The following ILRUN variants were observed in gnomAD, a reference collection of about 807,000 sequenced individuals.
The protein encoded by ILRUN is inflammation and lipid regulator with UBA-like and NBR1-like domains, also known as protein ILRUN.
A neutral mutation model predicts 33.8 loss-of-function variants in ILRUN; 3 were observed. That is an observed-to-expected ratio of 0.09 (90% CI 0.04 to 0.23). The LOEUF (loss-of-function observed/expected upper bound fraction) is 0.23. Among genes scored for constraint, ILRUN ranks in the 10% least tolerant of loss-of-function variants. The pLI is 1.00. For missense variants in ILRUN, 210 were observed against 375.1 expected, an observed-to-expected ratio of 0.56 and a Z score of 3.64; for synonymous variants, 124 against 138.9, an observed-to-expected ratio of 0.89 and a Z score of 0.75.
intron 1 of ILRUN, among the ~76,000 whole-genome samples, chr6:34,682,100 C>A (rs1763373783): frequency 6.8e-6 from 1 of 147,888 alleles, no homozygotes; most frequent in Admixed American, 6.8e-5. Context: ...GTCTCGAACT[C>A]CTGACTTCAT....
intron 1 of ILRUN, among the ~76,000 whole-genome samples, chr6:34,695,806 C>T (rs142271552): frequency 1.4e-4 from 21 of 152,044 alleles, no homozygotes; most frequent in Non-Finnish European, 2.8e-4. Flanking sequence ...TCCTACTCCT[C>T]CCTGGCATAA....
At chr6:34,668,173 T>C (rs1375161008) in intron 1 of ILRUN, among the ~76,000 whole-genome samples, 1 of 152,202 alleles carries the variant, frequency 6.6e-6, no homozygotes, top group African/African-American at 2.4e-5. Flanking sequence ...CTGCTAAGAA[T>C]GTAGAATGGT....
In ILRUN at chr6:34,650,556, G is replaced by A. The variant is rs1053165038; in HGVS notation, c.314-3758C>T. 3.3e-5 allele frequency among the ~76,000 whole-genome samples: 5 copies of A among 151,722 alleles called. No homozygotes were observed. In the South Asian group the frequency reaches 1.0e-3, roughly 32 times the overall value. On this transcript the variant is annotated intron_variant, in intron 2 of 4. Coordinates refer to ENST00000374023, the MANE Select transcript of ILRUN (RefSeq NM_024294.4). Reference sequence around the variant, plus strand: ...TGCAATTCTTCTGCCTCAGCCTCCCGAATACGTGGGATTACAGGCGCCTGC... The same window carrying A: ...TGCAATTCTTCTGCCTCAGCCTCCCAAATACGTGGGATTACAGGCGCCTGC...
chr6:34,609,436 G>C (rs1211969157), intron 3 of ILRUN, among the ~76,000 whole-genome samples: 1 of 152,152 alleles, frequency 6.6e-6, no homozygotes, highest in Non-Finnish European at 1.5e-5. Flanking sequence ...GTTGTAGTGA[G>C]CTGAGATCGT....
intron 3 of ILRUN, among the ~76,000 whole-genome samples, chr6:34,645,956 A>G (rs1419672246): frequency 6.6e-6 from 1 of 152,234 alleles, no homozygotes; most frequent in Non-Finnish European, 1.5e-5. Context: ...AGTCTAAGAA[A>G]GTACCTATTT....
intron 4 of ILRUN, among the ~76,000 whole-genome samples, chr6:34,594,659 T>G (rs1264809560): frequency 2.0e-5 from 3 of 152,168 alleles, no homozygotes; most frequent in Non-Finnish European, 4.4e-5. Flanking sequence ...GGACCTAAGT[T>G]CAACCTGGCT....
At chr6:34,605,318 CAAAAA>C (rs78612898) in intron 4 of ILRUN, among the ~76,000 whole-genome samples, 61 of 74,116 alleles carry the variant, frequency 8.2e-4, no homozygotes, top group African/African-American at 1.7e-3. Context: ...AAAACAAAAA[CAAAAA>C]AAAAAAAAAA....
intron 3 of ILRUN, among the ~76,000 whole-genome samples, chr6:34,625,035 A>C (rs1355114816): frequency 6.6e-6 from 1 of 152,180 alleles, no homozygotes; most frequent in Non-Finnish European, 1.5e-5. Context: ...CAGCAGAACA[A>C]ATAACATAGT....
chr6:34,619,292 A>AATAT (rs138951660), intron 3 of ILRUN, among the ~76,000 whole-genome samples: 1 of 150,602 alleles, frequency 6.6e-6, no homozygotes, highest in African/African-American at 2.4e-5. Flanking sequence ...AGGTACACAG[A>AATAT]ATATATATAT....
intron 3 of ILRUN, among the ~76,000 whole-genome samples, chr6:34,642,454 T>G (rs1458105104): frequency 6.6e-6 from 1 of 152,132 alleles, no homozygotes; most frequent in Admixed American, 6.6e-5. Context: ...AATGGAAATC[T>G]TAAGCAAGGG....
chr6:34,696,605 G>A lies in ILRUN; in HGVS notation c.-2C>T. ...CAGGTCTACGTCCATGCCCTCCATG[G>A]CGGGGACCGGACACCCGCTTCCCCG... On this transcript the variant is annotated 5_prime_UTR_variant, in exon 1 of 5. Transcript: ENST00000374023. 6.2e-7 allele frequency: 1 copy of A among 1,600,952 alleles called. No homozygotes were observed. Among genetic ancestry groups the A allele is most frequent in the Non-Finnish European group, 8.5e-7 (1 of 1,176,076 alleles).
At chr6:34,638,743 A>G (rs1029521707) in intron 3 of ILRUN, among the ~76,000 whole-genome samples, 6 of 152,164 alleles carry the variant, frequency 3.9e-5, no homozygotes, top group Admixed American at 3.9e-4. Context: ...TCTTATTTTC[A>G]AGGGCTACTC....
Position 34,590,513 on chromosome 6 carries a change from C to T in ILRUN, c.*52G>A. 1 of 1,612,868 alleles carries T rather than the reference C, an allele frequency of 6.2e-7. No homozygotes were observed. The highest frequency in any genetic ancestry group is 1.7e-4 in the Middle Eastern group (1 of 5,870). On this transcript the variant is annotated 3_prime_UTR_variant, in exon 5 of 5. Coordinates refer to ENST00000374023, the MANE Select transcript of ILRUN (RefSeq NM_024294.4). ...CAGAGGAACCCCTTGCCCTAACCCC[C>T]CAAAGTCAGGCCTTCTGTCTTTTGT...
At chr6:34,609,646 C>T (rs1291962562) in intron 3 of ILRUN, among the ~76,000 whole-genome samples, 3 of 152,014 alleles carry the variant, frequency 2.0e-5, no homozygotes, top group African/African-American at 7.2e-5. Context: ...AAGTATTATA[C>T]AACCATAAAA....
intron 3 of ILRUN, among the ~76,000 whole-genome samples, chr6:34,643,828 G>C (rs564020844): frequency 1.3e-5 from 2 of 152,216 alleles, no homozygotes; most frequent in South Asian, 4.1e-4. Context: ...TCAGCCTCCC[G>C]AGTAGCTGGG....
rs140888834 is a variant in ILRUN, at chr6:34,630,496, G to A, written c.511+16105C>T. 2.0e-3 allele frequency among the ~76,000 whole-genome samples: 310 copies of A among 152,212 alleles called. 2 individuals are homozygous for A. The highest frequency in any genetic ancestry group is 7.0e-3 in the Admixed American group (107 of 15,284). On this transcript the variant is annotated intron_variant, in intron 3 of 4. Transcript: ENST00000374023. ...CCTCCTGGGTTCAAACGATTCTCCTGTCTCAGCCTCCCGAGTAGCTGGGTC... is the reference window on the plus strand; with the variant it reads ...CCTCCTGGGTTCAAACGATTCTCCTATCTCAGCCTCCCGAGTAGCTGGGTC...
chr6:34,633,336 G>A (rs533129561), intron 3 of ILRUN, among the ~76,000 whole-genome samples: 1 of 152,180 alleles, frequency 6.6e-6, no homozygotes, highest in South Asian at 2.1e-4. Flanking sequence ...AATTGTAGTT[G>A]GACCTTTCAA....
intron 1 of ILRUN, among the ~76,000 whole-genome samples, chr6:34,680,566 G>C (rs1334806827): frequency 6.6e-6 from 1 of 152,006 alleles, no homozygotes; most frequent in Non-Finnish European, 1.5e-5. Flanking sequence ...CTAGGCTCAA[G>C]TGATTCTCCT....
chr6:34,670,844 C>CAAAAA (rs201024054), intron 1 of ILRUN, among the ~76,000 whole-genome samples: 11 of 58,230 alleles, frequency 1.9e-4, no homozygotes, highest in Non-Finnish European at 2.9e-4. Context: ...GACCCTGTCT[C>CAAAAA]AAAAAAAAAA....
Sources: gnomAD v4.1 joint callset for allele counts (sites outside exome capture counted in the v4.1 genomes callset) on GRCh38, gnomAD v4.1.1 for gene constraint, MANE v1.5 for transcripts, NCBI Gene and HGNC (gene_info 2026-07-23, HGNC 2026-07-21) for gene names.